Variants in ASTN2 observed in about 807,000 individuals in gnomAD.
ASTN2 encodes the protein astrotactin-2.
In ASTN2, 54 loss-of-function variants were observed where a neutral mutation model predicts 139.8. That is an observed-to-expected ratio of 0.39 (90% CI 0.31 to 0.48). ASTN2 has a LOEUF of 0.48. Ranked by LOEUF, ASTN2 falls within the 20% of genes least tolerant of loss-of-function variation. The pLI, the probability that ASTN2 is intolerant of heterozygous loss-of-function variation, is 0.95. For synonymous variants in ASTN2, 756 were observed against 719.5 expected (o/e 1.05, Z -0.81); for missense variants, 1,565 against 1,725.1 (o/e 0.91, Z 1.64).
At chr9:116,964,218 T>TGGGGGG (rs751010287) in intron 10 of ASTN2, among the ~76,000 whole-genome samples, 8 of 68,562 alleles carry the variant, frequency 1.2e-4, no homozygotes, top group African/African-American at 3.7e-4. Context: ...TGCCCTGGGG[T>TGGGGGG]GTGTGTGTGT....
rs2132443334 is a variant in ASTN2 at position 116,925,866 on chromosome 9, ACACACACAC to A, written c.1889+49333_1889+49341del. Among the ~76,000 whole-genome samples the A allele has an allele frequency of 3.3e-5, 3 of 91,916 alleles. No homozygotes were observed. In the Admixed American group the frequency reaches 3.4e-4, roughly 10 times the overall value. The allele number at this position is 91,916 out of a possible 152,430, so 60.3% of individuals were successfully genotyped here. A position where few individuals can be genotyped will look rare whatever the true frequency, so the allele number is the denominator to read the frequency against. ...TGCAAGGAGATACACAACACAACAC[ACACACACAC>A]ACACACACACACACATATATACACA... On this transcript the variant is annotated intron_variant, in intron 10 of 22. Coordinates refer to ENST00000313400, the MANE Select transcript of ASTN2 (RefSeq NM_001365068.1).
intron 12 of ASTN2, among the ~76,000 whole-genome samples, chr9:116,815,612 T>A (rs1042660128): frequency 3.3e-5 from 5 of 151,136 alleles, no homozygotes; most frequent in Non-Finnish European, 7.4e-5. Context: ...GAGACCATCC[T>A]GGCAAACACG....
At chr9:116,676,682 T>C (rs992236751) in intron 16 of ASTN2, among the ~76,000 whole-genome samples, 6 of 152,242 alleles carry the variant, frequency 3.9e-5, no homozygotes, top group Non-Finnish European at 5.9e-5. Flanking sequence ...TTGGCTTCTC[T>C]AGGCTCCTTC....
intron 19 of ASTN2, among the ~76,000 whole-genome samples, chr9:116,599,016 C>T (rs1181084420): frequency 1.3e-5 from 2 of 152,170 alleles, no homozygotes; most frequent in African/African-American, 4.8e-5. Context: ...ATCCTCTGTC[C>T]CTGGTCTAAA....
chr9:117,408,162 CA>C, intron 1 of ASTN2, among the ~76,000 whole-genome samples: 1 of 148,500 alleles, frequency 6.7e-6, no homozygotes, highest in South Asian at 2.1e-4. Flanking sequence ...TTTTTTTTGG[CA>C]GGGGGAGAGG....
intron 10 of ASTN2, among the ~76,000 whole-genome samples, chr9:116,872,799 G>C (rs1833200983): frequency 6.6e-6 from 1 of 152,158 alleles, no homozygotes; most frequent in South Asian, 2.1e-4. Context: ...AAGGCCTAGA[G>C]GTAGGAGATA....
At chr9:116,749,057 T>C (rs766886993) in intron 13 of ASTN2, among the ~76,000 whole-genome samples, 10 of 152,182 alleles carry the variant, frequency 6.6e-5, no homozygotes, top group Non-Finnish European at 1.3e-4. Flanking sequence ...TAGATCTAGT[T>C]GGACAAAACA....
At chr9:116,450,136 A>G (rs72757871) in intron 20 of ASTN2, among the ~76,000 whole-genome samples, 1 of 152,214 alleles carries the variant, frequency 6.6e-6, no homozygotes, top group Non-Finnish European at 1.5e-5. Flanking sequence ...TACAGCCCAC[A>G]GTCCAAATCT....
intron 10 of ASTN2, 132 bp from the exon 11 acceptor site, chr9:116,863,865 T>C: frequency 9.5e-7 from 1 of 1,057,946 alleles, no homozygotes; most frequent in South Asian, 1.9e-5. Context: ...ATCAATATTA[T>C]AAAAAGGAAA....
At chr9:116,866,180 G>A (rs1833009493) in intron 10 of ASTN2, among the ~76,000 whole-genome samples, 1 of 152,132 alleles carries the variant, frequency 6.6e-6, no homozygotes, top group Non-Finnish European at 1.5e-5. Flanking sequence ...TTTCTCTTTA[G>A]TCCCCAGCAC....
chr9:116,525,261 CA>C (rs1851041311), intron 19 of ASTN2, among the ~76,000 whole-genome samples: 1 of 152,152 alleles, frequency 6.6e-6, no homozygotes, highest in South Asian at 2.1e-4. Context: ...GTATCTCTGA[CA>C]GAAGAAATGT....
chr9:117,226,181 C>T (rs186828124), intron 2 of ASTN2, among the ~76,000 whole-genome samples: 11 of 152,292 alleles, frequency 7.2e-5, no homozygotes, highest in African/African-American at 2.6e-4. Context: ...CAATCAAGTA[C>T]ACTCTTGCCC....
intron 2 of ASTN2, among the ~76,000 whole-genome samples, chr9:117,244,075 A>G (rs952557223): frequency 7.2e-5 from 11 of 152,102 alleles, no homozygotes; most frequent in Admixed American, 7.2e-4. Context: ...TTTTATAAGC[A>G]TCTGACAGTT....
intron 16 of ASTN2, chr9:116,701,063 G>A (rs1275292103): frequency 6.0e-6 from 1 of 167,096 alleles, no homozygotes; most frequent in African/African-American, 2.4e-5. Context: ...AAGATCAGAA[G>A]TGGGTGAGAG....
chr9:116,887,888 G>A (rs1243840047), intron 10 of ASTN2, among the ~76,000 whole-genome samples: 3 of 151,902 alleles, frequency 2.0e-5, no homozygotes, highest in Non-Finnish European at 4.4e-5. Context: ...GGCTGGTCTC[G>A]AACTCCTGAG....
chr9:116,530,226 T>C (rs992810074), intron 19 of ASTN2, among the ~76,000 whole-genome samples: 2 of 148,492 alleles, frequency 1.3e-5, no homozygotes, highest in African/African-American at 2.5e-5. Context: ...GAGGACATTA[T>C]GTTAAGTGAA....
At chr9:116,862,338 G>A (rs12347407) in intron 11 of ASTN2, among the ~76,000 whole-genome samples, 22,998 of 151,976 alleles carry the variant, frequency 0.15, 1,953 homozygotes, top group South Asian at 0.23. Context: ...GTGTTGAGCC[G>A]AATCAACAGA....
chr9:116,855,624 T>A (rs1832720280), intron 11 of ASTN2, among the ~76,000 whole-genome samples: 1 of 152,186 alleles, frequency 6.6e-6, no homozygotes, highest in African/African-American at 2.4e-5. Flanking sequence ...ATTGGGGACA[T>A]TCGCCTTATC....
intron 19 of ASTN2, among the ~76,000 whole-genome samples, chr9:116,530,579 C>T (rs1851301068): frequency 6.6e-6 from 1 of 152,000 alleles, no homozygotes; most frequent in Non-Finnish European, 1.5e-5. Context: ...AAATATCATG[C>T]TGTATACCAT....
Sources: allele counts gnomAD v4.1 joint callset (sites outside exome capture counted in the v4.1 genomes callset), GRCh38; gene constraint gnomAD v4.1.1; transcripts MANE v1.5; gene names NCBI Gene and HGNC (gene_info 2026-07-23, HGNC 2026-07-21).